MAP2K5: variants seen among roughly 807,000 people sequenced by gnomAD.
The protein encoded by MAP2K5 is dual specificity mitogen-activated protein kinase kinase 5.
In MAP2K5, 49 loss-of-function variants were observed where a neutral mutation model predicts 83.1. That is an observed-to-expected ratio of 0.59 (90% CI 0.47 to 0.75). The LOEUF is 0.75. MAP2K5 is among the 30% of genes least tolerant of loss of function. MAP2K5 has a pLI of 0.00. For missense variants in MAP2K5, 457 were observed against 557.5 expected, an observed-to-expected ratio of 0.82 and a Z score of 1.82; for synonymous variants, 202 against 191.8, an observed-to-expected ratio of 1.05 and a Z score of -0.44.
intron 8 of MAP2K5, among the ~76,000 whole-genome samples, chr15:67,619,356 C>T (rs1210306477): frequency 6.6e-6 from 1 of 152,184 alleles, no homozygotes; most frequent in Non-Finnish European, 1.5e-5. Context: ...CAGTCAGCCC[C>T]TATTAGAAGG....
intron 7 of MAP2K5, among the ~76,000 whole-genome samples, chr15:67,596,660 A>G (rs969638434): frequency 6.6e-6 from 1 of 152,090 alleles, no homozygotes; most frequent in African/African-American, 2.4e-5. Flanking sequence ...GACTCTGCCC[A>G]TGGGTTGTTG....
rs538544754 is a variant in MAP2K5, at chr15:67,559,059, G to A, written c.185-4224G>A. Among the ~76,000 whole-genome samples, 4 of 152,316 alleles carry A rather than the reference G, an allele frequency of 2.6e-5. No homozygotes were observed. Among genetic ancestry groups the A allele is most frequent in the East Asian group, 1.9e-4 (1 of 5,186 alleles). On this transcript the variant is annotated intron_variant, in intron 2 of 21. Coordinates refer to ENST00000178640, the MANE Select transcript of MAP2K5 (RefSeq NM_145160.3). This position sits in a 1 kb window ranked among gnomAD's most constrained non-coding sequence, Gnocchi z 4.7. ...AAGTACGGCCTCTGGTCCTGCCCAC[G>A]TCATTAACTCCGTGCCTGAGAAGGG...
At chr15:67,569,747 C>A (rs896067039) in intron 3 of MAP2K5, among the ~76,000 whole-genome samples, 1 of 152,080 alleles carries the variant, frequency 6.6e-6, no homozygotes, top group African/African-American at 2.4e-5. Flanking sequence ...CTTGGTGGCA[C>A]CAGGGCACTC....
rs2090720109 is a variant in MAP2K5 at position 67,802,276 on chromosome 15, A to T, written c.1243-4370A>T. Among the ~76,000 whole-genome samples the T allele has an allele frequency of 6.7e-6, 1 of 148,848 alleles. No individual in the cohort carries two copies. Among genetic ancestry groups the T allele is most frequent in the Admixed American group, 6.6e-5 (1 of 15,206 alleles). On this transcript the variant is annotated intron_variant, in intron 21 of 21. Coordinates refer to ENST00000178640, the MANE Select transcript of MAP2K5 (RefSeq NM_145160.3). The surrounding 1 kb of genome is among the most constrained non-coding windows in gnomAD (Gnocchi z 5.0). ...CGGTGAGCAACCACAATTCATCTTC[A>T]TGAGAGGGAGCGGTGAGCAACCACA... is the stretch of plus-strand genomic sequence containing the variant.
chr15:67,679,373 A>G (rs2087759126), intron 13 of MAP2K5, among the ~76,000 whole-genome samples: 1 of 152,104 alleles, frequency 6.6e-6, no homozygotes, highest in Admixed American at 6.5e-5. Context: ...TCCACAGTCA[A>G]TTTGGCCAAT....
chr15:67,628,005 T>C, intron 8 of MAP2K5: 2 of 739,598 alleles, frequency 2.7e-6, no homozygotes, highest in Non-Finnish European at 4.8e-6. Context: ...AAGCACCAAG[T>C]GCTCCTGGGG....
At chr15:67,601,346 A>G (rs939391919) in intron 8 of MAP2K5, among the ~76,000 whole-genome samples, 1 of 152,220 alleles carries the variant, frequency 6.6e-6, no homozygotes, top group Non-Finnish European at 1.5e-5. Context: ...GCCATAAAAA[A>G]TAGTTCTCCG....
chr15:67,586,780 T>G, intron 5 of MAP2K5, 66 bp from the exon 6 acceptor site: 9 of 1,466,082 alleles, frequency 6.1e-6, no homozygotes, highest in Non-Finnish European at 8.6e-6. Flanking sequence ...TTGTGGCAAA[T>G]TATAGGTTAA....
At chr15:67,670,331 T>C (rs1471971403) in intron 13 of MAP2K5, 2 of 448,854 alleles carry the variant, frequency 4.5e-6, no homozygotes, top group East Asian at 7.0e-5. Flanking sequence ...AGGAGTTGAC[T>C]GTAAAGGCAT....
intron 3 of MAP2K5, among the ~76,000 whole-genome samples, chr15:67,574,837 A>G (rs1213783186): frequency 1.3e-5 from 2 of 152,246 alleles, no homozygotes; most frequent in African/African-American, 4.8e-5. Flanking sequence ...GCTGCACTCC[A>G]GCCTGGGCGA....
At chr15:67,737,866 T>TTC (rs2089377973) in intron 17 of MAP2K5, among the ~76,000 whole-genome samples, 1 of 142,540 alleles carries the variant, frequency 7.0e-6, no homozygotes, top group Non-Finnish European at 1.5e-5. Context: ...TTTTTTTTTT[T>TTC]TTTGAGACAG....
chr15:67,594,310 A>G (rs2085477645), intron 7 of MAP2K5, among the ~76,000 whole-genome samples: 1 of 152,234 alleles, frequency 6.6e-6, no homozygotes, highest in Admixed American at 6.5e-5. Flanking sequence ...CAGCATATAT[A>G]AACAAAATCT....
rs1256212343 is a variant in MAP2K5 at position 67,646,392 on chromosome 15, A to T, written c.659A>T (p.Asp220Val). 1 of 1,585,280 alleles carries T rather than the reference A, an allele frequency of 6.3e-7. No homozygotes were observed. The highest frequency in any genetic ancestry group is 8.7e-7 in the Non-Finnish European group (1 of 1,155,834). ...TTTGTCTTATTTTTGTTACAGTGCG[A>T]TTCATCATATATCATTGGATTTTAT... ...MSELEILYKC[D>V]SSYIIGFYGA... The change falls in exon 11 of 22, where the codon GAT (aspartate) becomes GTT (valine). Residue 220 changes from aspartate to valine, a missense_variant. Coordinates refer to ENST00000178640, the MANE Select transcript of MAP2K5 (RefSeq NM_145160.3).
chr15:67,611,853 G>T (rs1183894121), intron 8 of MAP2K5, among the ~76,000 whole-genome samples: 1 of 152,166 alleles, frequency 6.6e-6, no homozygotes, highest in Non-Finnish European at 1.5e-5. Context: ...ATCTCTAGCA[G>T]ATATACTTCA....
In MAP2K5 at chr15:67,747,247, C is replaced by G. The variant is rs1050217843; in HGVS notation, c.1075-984C>G. 6.6e-6 allele frequency among the ~76,000 whole-genome samples: 1 copy of G among 152,150 alleles called. No individual in the cohort carries two copies. Among genetic ancestry groups the G allele is most frequent in the Non-Finnish European group, 1.5e-5 (1 of 68,024 alleles). On this transcript the variant is annotated intron_variant, in intron 17 of 21. Transcript: ENST00000178640. This position sits in a 1 kb window ranked among gnomAD's most constrained non-coding sequence, Gnocchi z 4.1. Reference sequence around the variant, plus strand: ...ATATGGGAAAGAATTTTTTAAAACACCTTTAAAAACATATAAGGGATTATT... The same window carrying G: ...ATATGGGAAAGAATTTTTTAAAACAGCTTTAAAAACATATAAGGGATTATT...
Position 67,698,924 on chromosome 15 carries a change from G to A in MAP2K5, c.973-4413G>A, listed in dbSNP as rs1029041435. Among the ~76,000 whole-genome samples the A allele has an allele frequency of 2.0e-5, 3 of 152,092 alleles. No homozygotes were observed. The highest frequency in any genetic ancestry group is 2.9e-5 in the Non-Finnish European group (2 of 68,024). On this transcript the variant is annotated intron_variant, in intron 15 of 21. Transcript: ENST00000178640. The surrounding 1 kb of genome is among the most constrained non-coding windows in gnomAD (Gnocchi z 4.5). ...TTCATTTAATCTTCACACAACCCCA[G>A]GAGGTATACGTATTACTACTATTAT...
rs2087451254 is a variant in MAP2K5, at chr15:67,668,808, G to C, written c.847+4163G>C. On this transcript the variant is annotated intron_variant, in intron 13 of 21. Transcript: ENST00000178640. This position sits in a 1 kb window ranked among gnomAD's most constrained non-coding sequence, Gnocchi z 4.0. The stretch of plus-strand genomic sequence containing the variant: ...TCTGGGGCCATCTTACACAGATGCA[G>C]AAGTTTATAGAAGAAAAAAAAAACC... Among the ~76,000 whole-genome samples the C allele has an allele frequency of 6.6e-6, 1 of 151,612 alleles. No homozygotes were observed. The highest frequency in any genetic ancestry group is 2.4e-5 in the African/African-American group (1 of 41,174).
intron 13 of MAP2K5, among the ~76,000 whole-genome samples, chr15:67,679,135 C>A (rs2087752009): frequency 6.6e-6 from 1 of 152,138 alleles, no homozygotes; most frequent in South Asian, 2.1e-4. Context: ...CACCCTGACC[C>A]CTGATTGTGC....
At chr15:67,658,818 A>G (rs1045894732) in intron 12 of MAP2K5, 3 of 610,360 alleles carry the variant, frequency 4.9e-6, no homozygotes, top group East Asian at 3.4e-5. Context: ...ATGTGCTCCA[A>G]CCTGTTCTAG....
Sources: gnomAD v4.1 joint callset for allele counts (sites outside exome capture counted in the v4.1 genomes callset) on GRCh38, gnomAD v4.1.1 for gene constraint, Gnocchi (gnomAD v3.1) non-coding constraint, MANE v1.5 for transcripts, NCBI Gene and HGNC (gene_info 2026-07-23, HGNC 2026-07-21) for gene names.